KAZN: variants seen among roughly 807,000 people sequenced by gnomAD.
The protein encoded by KAZN is kazrin.
Under a neutral mutation model 87.4 loss-of-function variants are expected in KAZN, and 40 were observed. That is an observed-to-expected ratio of 0.46 (90% CI 0.36 to 0.60). The LOEUF (loss-of-function observed/expected upper bound fraction) is 0.60. KAZN is among the 20% of genes least tolerant of loss of function. The probability of loss-of-function intolerance (pLI) is 0.00; values close to 1 mark genes in which losing one functional copy is unlikely to be tolerated. For synonymous variants in KAZN, 466 were observed against 458.3 expected (o/e 1.02, Z -0.22); for missense variants, 898 against 1,073.9 (o/e 0.84, Z 2.29).
intron 2 of KAZN, among the ~76,000 whole-genome samples, chr1:14,987,189 C>T (rs563428983): frequency 3.3e-5 from 5 of 152,212 alleles, no homozygotes; most frequent in Admixed American, 2.6e-4. Context: ...GCTTTGCACA[C>T]GATTGCCAAA....
chr1:14,295,736 C>G (rs1654062880), intron 2 of KAZN, among the ~76,000 whole-genome samples: 1 of 152,202 alleles, frequency 6.6e-6, no homozygotes, highest in Non-Finnish European at 1.5e-5. Context: ...TTTTTGAGAT[C>G]TCAGCTCACT....
chr1:14,058,282 C>T (rs1026866124), intron 1 of KAZN, among the ~76,000 whole-genome samples: 1 of 152,132 alleles, frequency 6.6e-6, no homozygotes, highest in African/African-American at 2.4e-5. Flanking sequence ...GAGAGGAATT[C>T]TTTCCCTTCC....
chr1:13,999,502 A>G (rs1406052550), intron 1 of KAZN, among the ~76,000 whole-genome samples: 2 of 152,356 alleles, frequency 1.3e-5, no homozygotes, highest in East Asian at 3.9e-4. Context: ...AGTTATTTGA[A>G]ATCAGTGAGA....
Position 14,322,252 on chromosome 1 carries a change from C to T in KAZN, c.249+141660C>T, listed in dbSNP as rs74468924. On this transcript the variant is annotated intron_variant, in intron 2 of 16. Coordinates refer to the KAZN transcript ENST00000636203. ...TCCAGCCTGGGCAATATGGCAAGAC[C>T]CTATCTGTAATAAATAAATAAATAA... Among the ~76,000 whole-genome samples, 1,632 of 151,714 alleles carry T rather than the reference C, an allele frequency of 0.011. 136 individuals are homozygous for T. The East Asian group carries it at 0.23, about 21-fold the overall frequency.
chr1:14,552,904 A>C (rs1673629733), intron 2 of KAZN, among the ~76,000 whole-genome samples: 1 of 152,170 alleles, frequency 6.6e-6, no homozygotes, highest in African/African-American at 2.4e-5. Flanking sequence ...TGAGACAATA[A>C]GGCTGGTGGG....
chr1:14,914,031 G>A (rs1054305259), intron 1 of KAZN, among the ~76,000 whole-genome samples: 8 of 152,244 alleles, frequency 5.3e-5, no homozygotes, highest in African/African-American at 1.7e-4. Flanking sequence ...TCCCCACTCA[G>A]AGGGCATGAA....
intron 1 of KAZN, among the ~76,000 whole-genome samples, chr1:14,627,210 G>A (rs1205168126): frequency 2.0e-5 from 3 of 152,068 alleles, no homozygotes; most frequent in East Asian, 3.9e-4. Flanking sequence ...GGAAGGGTGT[G>A]AAGGAGCCAG....
At chr1:15,023,427 G>A (rs1670877332) in intron 2 of KAZN, among the ~76,000 whole-genome samples, 1 of 152,142 alleles carries the variant, frequency 6.6e-6, no homozygotes, top group South Asian at 2.1e-4. Context: ...TGGGTAGGAG[G>A]GGGAAGGAAG....
At chr1:13,976,536 T>C (rs1638367441) in intron 1 of KAZN, among the ~76,000 whole-genome samples, 1 of 151,974 alleles carries the variant, frequency 6.6e-6, no homozygotes, top group African/African-American at 2.4e-5. Flanking sequence ...GCCAGCCTGA[T>C]GGAGTTCATT....
intron 2 of KAZN, among the ~76,000 whole-genome samples, chr1:14,379,012 G>A (rs542736598): frequency 6.8e-6 from 1 of 147,888 alleles, no homozygotes; most frequent in South Asian, 2.2e-4. Flanking sequence ...AGAGAAGATG[G>A]AAGACTAAAG....
intron 1 of KAZN, among the ~76,000 whole-genome samples, chr1:14,819,367 C>G (rs188029860): frequency 1.3e-5 from 2 of 152,116 alleles, no homozygotes; most frequent in South Asian, 4.1e-4. Context: ...CCATCAAACA[C>G]GAGTTCAGAT....
At chr1:13,927,579 C>T (rs1640332427) in intron 1 of KAZN, among the ~76,000 whole-genome samples, 1 of 151,912 alleles carries the variant, frequency 6.6e-6, no homozygotes, top group African/African-American at 2.4e-5. Flanking sequence ...GTTCAAATCC[C>T]AATGGTACTG....
chr1:14,753,679 A>G (rs1010100069), intron 1 of KAZN, among the ~76,000 whole-genome samples: 11 of 152,198 alleles, frequency 7.2e-5, no homozygotes, highest in African/African-American at 2.4e-4. Context: ...TTTGGGGCCA[A>G]TTCTTCACCC....
chr1:14,204,385 A>G (rs1433308808), intron 2 of KAZN, among the ~76,000 whole-genome samples: 1 of 152,242 alleles, frequency 6.6e-6, no homozygotes, highest in African/African-American at 2.4e-5. Context: ...AAGGTAGTGC[A>G]GACAACCTTT....
At chr1:14,003,767 C>T (rs1473029461) in intron 1 of KAZN, among the ~76,000 whole-genome samples, 1 of 152,092 alleles carries the variant, frequency 6.6e-6, no homozygotes, top group African/African-American at 2.4e-5. Flanking sequence ...ACCAAAAACC[C>T]TCCTAGAAGA....
chr1:14,496,446 G>T (rs1490671613), intron 2 of KAZN, among the ~76,000 whole-genome samples: 1 of 152,162 alleles, frequency 6.6e-6, no homozygotes, highest in Non-Finnish European at 1.5e-5. Context: ...CACAGTGTTA[G>T]GGGGCTAGAG....
chr1:15,090,225 G>A (rs541158719), intron 8 of KAZN, among the ~76,000 whole-genome samples: 1 of 152,204 alleles, frequency 6.6e-6, no homozygotes, highest in African/African-American at 2.4e-5. Flanking sequence ...GACAGGGGCC[G>A]TGTCTTGGAA....
intron 2 of KAZN, among the ~76,000 whole-genome samples, chr1:14,344,451 T>A (rs1657965832): frequency 6.6e-6 from 1 of 152,212 alleles, no homozygotes; most frequent in Non-Finnish European, 1.5e-5. Flanking sequence ...ATGTGGCTAC[T>A]GGAAATTTTT....
At chr1:14,495,779 G>A (rs1669908884) in intron 2 of KAZN, among the ~76,000 whole-genome samples, 1 of 152,136 alleles carries the variant, frequency 6.6e-6, no homozygotes, top group African/African-American at 2.4e-5. Context: ...TGGGGTAGAG[G>A]AGGGCTTCTC....
Sources: gnomAD v4.1 joint callset for allele counts (sites outside exome capture counted in the v4.1 genomes callset) on GRCh38, gnomAD v4.1.1 for gene constraint, MANE v1.5 for transcripts, NCBI Gene and HGNC (gene_info 2026-07-23, HGNC 2026-07-21) for gene names.